Variants in ARHGAP5 observed in about 807,000 individuals in gnomAD.
ARHGAP5 encodes the protein Rho GTPase activating protein 5.
Under a neutral mutation model 116.6 loss-of-function variants are expected in ARHGAP5, and 23 were observed. That is an observed-to-expected ratio of 0.20 (90% CI 0.14 to 0.28). ARHGAP5 has a LOEUF of 0.28. Among genes scored for constraint, ARHGAP5 ranks in the 10% least tolerant of loss-of-function variants. ARHGAP5 has a pLI of 1.00. For missense variants in ARHGAP5, 1,405 were observed against 1,774.8 expected, an observed-to-expected ratio of 0.79 and a Z score of 3.74; for synonymous variants, 574 against 602.0, an observed-to-expected ratio of 0.95 and a Z score of 0.68.
chr14:32,100,808 T>TA (rs1250668129), intron 2 of ARHGAP5, among the ~76,000 whole-genome samples: 28 of 152,178 alleles, frequency 1.8e-4, no homozygotes, highest in African/African-American at 6.8e-4. Context: ...AGTAACCTAC[T>TA]AGTGTTTGAA....
At chr14:32,146,975 A>G (rs1881407460) in intron 4 of ARHGAP5, among the ~76,000 whole-genome samples, 2 of 152,230 alleles carry the variant, frequency 1.3e-5, no homozygotes, top group Non-Finnish European at 2.9e-5. Context: ...TATTCCTAAT[A>G]CATTAAACTA....
In ARHGAP5 at chr14:32,077,350, G is replaced by A. The variant is rs1207547399; in HGVS notation, c.-254G>A. On this transcript the variant is annotated 5_prime_UTR_variant, in exon 1 of 7. Transcript: ENST00000345122. ...AGTGGAGGAGGAGGCGGCGGCGGCG[G>A]GAGCGGTCCCCAGGAATGTCGCTGC... 5.7e-6 allele frequency: 4 copies of A among 697,548 alleles called. No individual in the cohort carries two copies. The Admixed American group carries it at 6.1e-5, about 11-fold the overall frequency. The allele number at this position is 697,548 out of a possible 1,614,324, so 43.2% of individuals were successfully genotyped here.
chr14:32,149,914 A>G lies in ARHGAP5; in HGVS notation c.3956A>G (p.Asn1319Ser), dbSNP rs752143320. 3 of 1,547,592 alleles carry G rather than the reference A, an allele frequency of 1.9e-6. No individual in the cohort carries two copies. Among genetic ancestry groups the G allele is most frequent in the African/African-American group, 2.8e-5 (2 of 72,418 alleles). Residue 1319 changes from asparagine to serine, a missense_variant, in exon 5 of 7, where the codon AAT becomes AGT. Physicochemically the swap from Asn to Ser is conservative, Grantham distance 46. Around this residue, in one of 6 missense-constraint regions of ARHGAP5, gnomAD observed 176 missense variants for 221.2 expected, o/e 0.80. Coordinates refer to ENST00000345122, the MANE Select transcript of ARHGAP5 (RefSeq NM_001030055.2). ...QKQFDQDHNI[N>S]LVSMEVTVNA... The stretch of plus-strand genomic sequence containing the variant: ...TTTTGTCTTGTAGATCATAATATCA[A>G]TCTAGTGTCAATGGAAGTAACAGTA...
At chr14:32,126,474 T>A (rs1361170532) in intron 3 of ARHGAP5, among the ~76,000 whole-genome samples, 2 of 152,210 alleles carry the variant, frequency 1.3e-5, no homozygotes, top group African/African-American at 4.8e-5. Context: ...CATAAGGACA[T>A]CAGTCATATT....
chr14:32,122,121 T>C (rs917090674), intron 3 of ARHGAP5, among the ~76,000 whole-genome samples: 1 of 152,204 alleles, frequency 6.6e-6, no homozygotes, highest in East Asian at 1.9e-4. Flanking sequence ...TTCAAAGAGG[T>C]GGCACCACTT....
intron 3 of ARHGAP5, among the ~76,000 whole-genome samples, chr14:32,131,551 CTTTT>C (rs1317940329): frequency 6.6e-6 from 1 of 151,458 alleles, no homozygotes; most frequent in Non-Finnish European, 1.5e-5. Context: ...ATTTCATGTT[CTTTT>C]TGTTTGTTTG....
In ARHGAP5 at chr14:32,096,914, C is replaced by T. The variant is rs72664670; in HGVS notation, c.3717+2528C>T. On this transcript the variant is annotated intron_variant, in intron 2 of 6. Transcript: ENST00000345122. ...AAAGTCTTAAATACAGGTCTACAGA[C>T]CCTTAACCTCAATTTTGAAATCGAC... 7.3e-3 allele frequency among the ~76,000 whole-genome samples: 1,119 copies of T among 152,268 alleles called. 3 individuals carry two copies. Among genetic ancestry groups the T allele is most frequent in the Non-Finnish European group, 0.012 (835 of 68,008 alleles).
At chr14:32,124,018 A>G (rs1430489205) in intron 3 of ARHGAP5, among the ~76,000 whole-genome samples, 1 of 152,068 alleles carries the variant, frequency 6.6e-6, no homozygotes, top group African/African-American at 2.4e-5. Flanking sequence ...TGCATATCCG[A>G]TACTCTTTCT....
chr14:32,095,515 C>T (rs986603447), intron 2 of ARHGAP5, among the ~76,000 whole-genome samples: 5 of 150,514 alleles, frequency 3.3e-5, no homozygotes, highest in African/African-American at 4.9e-5. Context: ...CGGGTTCAAG[C>T]GATTCTCCTG....
At chr14:32,117,708 C>T (rs144965163) in intron 3 of ARHGAP5, among the ~76,000 whole-genome samples, 651 of 152,262 alleles carry the variant, frequency 4.3e-3, no homozygotes, top group African/African-American at 9.9e-3. Flanking sequence ...GTTGTAAATG[C>T]GTAAAAGGCA....
At chr14:32,096,307 A>G (rs1420548524) in intron 2 of ARHGAP5, among the ~76,000 whole-genome samples, 1 of 152,250 alleles carries the variant, frequency 6.6e-6, no homozygotes. Context: ...CAGTATTAGT[A>G]TAATTTTGTA....
intron 3 of ARHGAP5, among the ~76,000 whole-genome samples, chr14:32,121,627 T>TATACA (rs1879893701): frequency 6.6e-6 from 1 of 152,246 alleles, no homozygotes; most frequent in Non-Finnish European, 1.5e-5. Flanking sequence ...TAATTCACTT[T>TATACA]ATACAATACA....
At chr14:32,130,449 T>G (rs1594379323) in intron 3 of ARHGAP5, among the ~76,000 whole-genome samples, 1 of 151,844 alleles carries the variant, frequency 6.6e-6, no homozygotes, top group African/African-American at 2.4e-5. Context: ...CTGGAACTCC[T>G]GACCTCCAGT....
intron 2 of ARHGAP5, among the ~76,000 whole-genome samples, chr14:32,104,249 G>C (rs1878910598): frequency 6.6e-6 from 1 of 152,028 alleles, no homozygotes; most frequent in South Asian, 2.1e-4. Context: ...GTGACTCCAG[G>C]TTTATTTTTT....
intron 2 of ARHGAP5, among the ~76,000 whole-genome samples, chr14:32,110,235 A>T (rs1879222198): frequency 6.7e-6 from 1 of 149,446 alleles, no homozygotes; most frequent in African/African-American, 2.5e-5. Flanking sequence ...ATGATACGTG[A>T]GTAGTTACAT....
At chr14:32,083,542 A>G (rs1262267927) in intron 1 of ARHGAP5, among the ~76,000 whole-genome samples, 3 of 152,204 alleles carry the variant, frequency 2.0e-5, no homozygotes, top group East Asian at 1.9e-4. Context: ...TATTAGTACC[A>G]TGGTATAGCA....
intron 3 of ARHGAP5, among the ~76,000 whole-genome samples, chr14:32,144,205 A>G (rs1305564706): frequency 6.6e-6 from 1 of 152,208 alleles, no homozygotes; most frequent in Non-Finnish European, 1.5e-5. Context: ...ATAGATATAC[A>G]TGGAGTAATA....
chr14:32,103,553 A>G (rs923293002), intron 2 of ARHGAP5, among the ~76,000 whole-genome samples: 6 of 152,202 alleles, frequency 3.9e-5, no homozygotes, highest in Non-Finnish European at 2.9e-5. Flanking sequence ...GTATGTGTCA[A>G]GGAGGCACTT....
chr14:32,103,283 G>A (rs993628340), intron 2 of ARHGAP5, among the ~76,000 whole-genome samples: 13 of 152,158 alleles, frequency 8.5e-5, no homozygotes, highest in African/African-American at 1.2e-4. Context: ...TTGTCCATTT[G>A]ATCATGATTT....
Sources: gnomAD v4.1 joint callset for allele counts (sites outside exome capture counted in the v4.1 genomes callset) on GRCh38, gnomAD v4.1.1 for gene constraint, gnomAD v4.1.1 regional missense constraint, MANE v1.5 for transcripts, NCBI Gene and HGNC (gene_info 2026-07-23, HGNC 2026-07-21) for gene names.